TNFRSF19: variants seen among roughly 807,000 people sequenced by gnomAD.
TNFRSF19 encodes the protein tumor necrosis factor receptor superfamily member 19.
A neutral mutation model predicts 46.4 loss-of-function variants in TNFRSF19; 27 were observed. That is an observed-to-expected ratio of 0.58 (90% CI 0.43 to 0.80). The LOEUF is 0.80. Ranked by LOEUF, TNFRSF19 falls within the 30% of genes least tolerant of loss-of-function variation. TNFRSF19 has a pLI of 0.00. For synonymous variants in TNFRSF19, 204 were observed against 205.0 expected (o/e 1.00, Z 0.04); for missense variants, 511 against 530.8 (o/e 0.96, Z 0.37).
intron 3 of TNFRSF19, among the ~76,000 whole-genome samples, chr13:23,601,194 T>A (rs1237750579): frequency 1.3e-5 from 2 of 152,004 alleles, no homozygotes; most frequent in African/African-American, 4.8e-5. Context: ...ACACCAAGTA[T>A]ATCATTTGCA....
intron 1 of TNFRSF19, among the ~76,000 whole-genome samples, chr13:23,574,111 T>G (rs1447140122): frequency 6.6e-6 from 1 of 151,398 alleles, no homozygotes; most frequent in African/African-American, 2.4e-5. Context: ...TGTGAAAAAT[T>G]TTAATTTAGT....
chr13:23,661,752 G>A (rs1166835390), intron 7 of TNFRSF19, among the ~76,000 whole-genome samples: 3 of 152,140 alleles, frequency 2.0e-5, no homozygotes, highest in Non-Finnish European at 2.9e-5. Flanking sequence ...GTGTGAGATG[G>A]TATCTCTTTG....
In TNFRSF19 at chr13:23,668,893, G is replaced by A; in HGVS notation, c.1041G>A (p.Leu347=). The A allele has an allele frequency of 6.2e-7, 1 of 1,614,216 alleles. No individual in the cohort carries two copies. The change falls in exon 9 of 10, where the codon TTG becomes TTA. Residue 347 remains leucine (L), a synonymous_variant. Transcript: ENST00000248484. ...LNPELESSTS[L]DSNSSQDLVG... is the part of the protein sequence containing the mutation. ...CAGAACTTGAAAGCTCAACGTCTTT[G>A]GATTCAAATAGCAGTCAAGATTTGG...
chr13:23,588,645 T>A (rs1361907907), intron 1 of TNFRSF19, among the ~76,000 whole-genome samples: 6 of 152,210 alleles, frequency 3.9e-5, no homozygotes, highest in African/African-American at 1.4e-4. Flanking sequence ...ATACATTTTT[T>A]AAAATGTAAG....
chr13:23,672,783 A>G (rs1340880579), intron 9 of TNFRSF19, among the ~76,000 whole-genome samples: 2 of 152,150 alleles, frequency 1.3e-5, no homozygotes, highest in African/African-American at 2.4e-5. Context: ...TGTGATGAGG[A>G]CACGTCTAAT....
At chr13:23,595,783 C>T (rs751242665) in intron 3 of TNFRSF19, among the ~76,000 whole-genome samples, 7 of 152,050 alleles carry the variant, frequency 4.6e-5, no homozygotes, top group African/African-American at 7.2e-5. Flanking sequence ...CTCCTCAAGA[C>T]GAGCAACCCC....
chr13:23,646,279 A>T (rs558339521), intron 5 of TNFRSF19, among the ~76,000 whole-genome samples: 2 of 152,260 alleles, frequency 1.3e-5, no homozygotes, highest in Admixed American at 1.3e-4. Flanking sequence ...TTGTGGGAAA[A>T]CATATATAAC....
At chr13:23,650,839 G>A (rs1462367431) in intron 5 of TNFRSF19, among the ~76,000 whole-genome samples, 1 of 152,160 alleles carries the variant, frequency 6.6e-6, no homozygotes, top group African/African-American at 2.4e-5. Context: ...TATTGAAAAA[G>A]AAACATAGTC....
chr13:23,606,987 C>A (rs1880554060), intron 3 of TNFRSF19, among the ~76,000 whole-genome samples: 1 of 152,192 alleles, frequency 6.6e-6, no homozygotes, highest in South Asian at 2.1e-4. Context: ...TCAGATAAAT[C>A]ACTGAAATTA....
In TNFRSF19 at chr13:23,659,714, C is replaced by T. The variant is rs1442864226; in HGVS notation, c.610+500C>T. Among the ~76,000 whole-genome samples, 4 of 152,026 alleles carry T rather than the reference C, an allele frequency of 2.6e-5. No individual in the cohort carries two copies. Among genetic ancestry groups the T allele is most frequent in the Non-Finnish European group, 5.9e-5 (4 of 67,996 alleles). On this transcript the variant is annotated intron_variant, in intron 6 of 9. Transcript: ENST00000248484. The surrounding 1 kb of genome is among the most constrained non-coding windows in gnomAD (Gnocchi z 4.9). ...TAGAAACGGGGTTTCACCATGTTGG[C>T]CAGGCTGGTCTCGAACTCCTGACCT...
chr13:23,629,108 C>T (rs1202709880), intron 5 of TNFRSF19, among the ~76,000 whole-genome samples: 7 of 148,566 alleles, frequency 4.7e-5, no homozygotes, highest in African/African-American at 1.7e-4. Flanking sequence ...TTTAGCTCAT[C>T]CACAAAGAGC....
At chr13:23,605,641 G>A (rs1020332640) in intron 3 of TNFRSF19, among the ~76,000 whole-genome samples, 7 of 152,128 alleles carry the variant, frequency 4.6e-5, no homozygotes, top group Non-Finnish European at 8.8e-5. Context: ...AAGGAAATAA[G>A]CTATCAAGCC....
chr13:23,586,768 A>C (rs1566164904), intron 1 of TNFRSF19, among the ~76,000 whole-genome samples: 1 of 152,182 alleles, frequency 6.6e-6, no homozygotes, highest in Non-Finnish European at 1.5e-5. Context: ...GCTGAACAGC[A>C]TGTTTCCCCG....
chr13:23,575,103 T>C (rs1345497392), intron 1 of TNFRSF19, among the ~76,000 whole-genome samples: 1 of 152,252 alleles, frequency 6.6e-6, no homozygotes, highest in African/African-American at 2.4e-5. Context: ...CATGGGCTGC[T>C]GCCCAGCCAG....
intron 5 of TNFRSF19, among the ~76,000 whole-genome samples, chr13:23,631,539 T>G (rs1419029282): frequency 6.6e-6 from 1 of 152,254 alleles, no homozygotes; most frequent in African/African-American, 2.4e-5. Flanking sequence ...GCCTTATTCA[T>G]GCACTAACGA....
intron 5 of TNFRSF19, among the ~76,000 whole-genome samples, chr13:23,647,437 C>T (rs974781676): frequency 6.6e-6 from 1 of 152,140 alleles, no homozygotes; most frequent in Non-Finnish European, 1.5e-5. Flanking sequence ...GAGTCTTGCT[C>T]TGTCACCCAG....
At chr13:23,617,741 T>G (rs1165192498) in intron 4 of TNFRSF19, among the ~76,000 whole-genome samples, 3 of 152,224 alleles carry the variant, frequency 2.0e-5, no homozygotes, top group Non-Finnish European at 4.4e-5. Flanking sequence ...TTCTCATGAA[T>G]TATTTTCTAT....
intron 5 of TNFRSF19, among the ~76,000 whole-genome samples, chr13:23,631,460 T>C (rs1882357472): frequency 6.6e-6 from 1 of 152,222 alleles, no homozygotes; most frequent in African/African-American, 2.4e-5. Flanking sequence ...GTATGTGGCC[T>C]ACAGTTGGAC....
chr13:23,620,972 T>G lies in TNFRSF19; in HGVS notation c.359+4927T>G, dbSNP rs554654757. ...CTGGTTCTCAGAGTGGATAAATGAC[T>G]TCCCAGAATCACCCAGCTTGTAAAT... On this transcript the variant is annotated intron_variant, in intron 4 of 9. Transcript: ENST00000248484. Among the ~76,000 whole-genome samples the G allele has an allele frequency of 1.1e-4, 16 of 152,316 alleles. No individual in the cohort carries two copies. The South Asian group carries it at 3.3e-3, about 32-fold the overall frequency.
Sources: allele counts gnomAD v4.1 joint callset (sites outside exome capture counted in the v4.1 genomes callset), GRCh38; gene constraint gnomAD v4.1.1; non-coding constraint Gnocchi (gnomAD v3.1); transcripts MANE v1.5; gene names NCBI Gene and HGNC (gene_info 2026-07-23, HGNC 2026-07-21).